Variants in NID2 observed in about 807,000 individuals in gnomAD.
The protein encoded by NID2 is nidogen 2.
Under a neutral mutation model 145.4 loss-of-function variants are expected in NID2, and 83 were observed. The ratio of observed to expected loss-of-function variants is 0.57; its 90% CI spans 0.48 to 0.69. The LOEUF is 0.69. Ranked by LOEUF, NID2 falls within the 30% of genes least tolerant of loss-of-function variation. The pLI, the probability that NID2 is intolerant of heterozygous loss-of-function variation, is 0.00. For synonymous variants in NID2, 739 were observed against 701.3 expected (o/e 1.05, Z -0.85); for missense variants, 1,807 against 1,765.7 (o/e 1.02, Z -0.42).
At chr14:52,029,501 GA>G (rs764999051) in intron 10 of NID2, 45 bp downstream of exon 10, 1 of 1,580,086 alleles carries the variant, frequency 6.3e-7, no homozygotes, top group Non-Finnish European at 8.7e-7. Context: ...GAGGGCAGAG[GA>G]AAAACAAGGG....
At chr14:52,020,312 T>C (rs1326117718) in intron 12 of NID2, 134 bp from the exon 13 acceptor site, 83 of 1,442,928 alleles carry the variant, frequency 5.8e-5, no homozygotes, top group Middle Eastern at 2.3e-4. Flanking sequence ...CCTTTGAGCA[T>C]GAGCAGAAAA....
chr14:52,065,474 CCTTT>C (rs1893163002), intron 2 of NID2, among the ~76,000 whole-genome samples: 1 of 113,436 alleles, frequency 8.8e-6, no homozygotes, highest in South Asian at 3.0e-4. Flanking sequence ...TTTTTTTTCC[CCTTT>C]CTTTTTTATT....
intron 12 of NID2, among the ~76,000 whole-genome samples, chr14:52,021,300 C>G (rs1394105709): frequency 6.6e-6 from 1 of 151,932 alleles, no homozygotes; most frequent in Non-Finnish European, 1.5e-5. Flanking sequence ...ACGGTGCAGC[C>G]CATGGTAGAG....
intron 7 of NID2, among the ~76,000 whole-genome samples, chr14:52,041,434 AC>A (rs1318680793): frequency 1.3e-5 from 2 of 152,232 alleles, no homozygotes; most frequent in African/African-American, 2.4e-5. Flanking sequence ...TTCTCACAAA[AC>A]TATTTTTAAT....
intron 12 of NID2, chr14:52,020,402 C>T (rs567955618): frequency 2.2e-5 from 12 of 538,010 alleles, no homozygotes; most frequent in East Asian, 8.4e-5. Context: ...CTAGACTAAA[C>T]GTGTTCAGTG....
intron 9 of NID2, among the ~76,000 whole-genome samples, chr14:52,035,993 G>A (rs1021963501): frequency 1.3e-5 from 2 of 150,540 alleles, no homozygotes; most frequent in Non-Finnish European, 3.0e-5. Context: ...ACAGGCATAA[G>A]CCAGTATGCC....
At chr14:52,026,834 A>C (rs368017723) in intron 12 of NID2, among the ~76,000 whole-genome samples, 19 of 152,248 alleles carry the variant, frequency 1.2e-4, no homozygotes, top group African/African-American at 4.1e-4. Flanking sequence ...TTAAAATATC[A>C]CTTAAAGCAG....
At chr14:52,066,425 T>C (rs989577017) in intron 2 of NID2, among the ~76,000 whole-genome samples, 4 of 152,074 alleles carry the variant, frequency 2.6e-5, no homozygotes, top group African/African-American at 9.7e-5. Context: ...AATAACTTAA[T>C]TGTACATTTT....
intron 20 of NID2, chr14:52,006,162 C>G (rs1397210907): frequency 2.5e-6 from 1 of 406,988 alleles, no homozygotes; most frequent in Admixed American, 3.6e-5. Context: ...GTCCCTCAGA[C>G]AATATGTCCA....
Position 52,015,116 on chromosome 14 carries a change from C to T in NID2, c.3188G>A (p.Cys1063Tyr). 6.2e-7 allele frequency: 1 copy of T among 1,614,158 alleles called. No individual in the cohort carries two copies. The highest frequency in any genetic ancestry group is 1.1e-5 in the South Asian group (1 of 91,084). The change falls in exon 15 of 22, where the codon TGT becomes TAT. Residue 1063 changes from cysteine (C) to tyrosine (Y), a missense_variant. Transcript: ENST00000216286. ...CACCTCTCTGCCATCTTTGTCCACA[C>T]ACCAGCAGAAGTCGCTCTTTCCGTG... ...QCHGKSDFCW[C>Y]VDKDGREVQG...
intron 12 of NID2, among the ~76,000 whole-genome samples, chr14:52,022,671 C>T (rs1045401325): frequency 1.3e-5 from 2 of 152,226 alleles, no homozygotes; most frequent in Admixed American, 6.5e-5. Context: ...CAATCCTACA[C>T]TCTATTAAGC....
chr14:52,060,642 A>G (rs951209399), intron 2 of NID2, among the ~76,000 whole-genome samples: 1 of 152,236 alleles, frequency 6.6e-6, no homozygotes, highest in Non-Finnish European at 1.5e-5. Flanking sequence ...GTTAAAAAAT[A>G]TATACTTTGT....
At chr14:52,018,234 A>T (rs1464598182) in intron 14 of NID2, among the ~76,000 whole-genome samples, 2 of 152,252 alleles carry the variant, frequency 1.3e-5, no homozygotes, top group Non-Finnish European at 2.9e-5. Flanking sequence ...GTAAAAATGG[A>T]TCTTTGGATA....
chr14:52,014,037 T>C lies in NID2; in HGVS notation c.3420+250A>G, dbSNP rs545448944. On this transcript the variant is annotated intron_variant, in intron 16 of 21. Coordinates refer to ENST00000216286, the MANE Select transcript of NID2 (RefSeq NM_007361.4). The stretch of plus-strand genomic sequence containing the variant: ...CTCCATGTGCTGACAACTCTAAAGT[T>C]CCCTTTCCATATTATCTGAAACTCC... 158 of 552,886 alleles carry C rather than the reference T, an allele frequency of 2.9e-4. 1 individual carries two copies. The highest frequency in any genetic ancestry group is 5.3e-4 in the South Asian group (27 of 50,862). 34.2% of individuals were successfully genotyped at this position (552,886 alleles called of 1,614,324 possible).
intron 5 of NID2, among the ~76,000 whole-genome samples, chr14:52,045,300 A>G (rs1892447748): frequency 6.6e-6 from 1 of 152,214 alleles, no homozygotes; most frequent in Admixed American, 6.5e-5. Flanking sequence ...ACAGTACTGG[A>G]GTGCTGCCTG....
At chr14:52,036,977 T>C (rs936794337) in intron 9 of NID2, among the ~76,000 whole-genome samples, 46 of 152,264 alleles carry the variant, frequency 3.0e-4, no homozygotes, top group African/African-American at 1.1e-3. Context: ...GCACAAACTG[T>C]TAAAATTTTG....
chr14:52,025,801 G>A (rs1452410949), intron 12 of NID2, among the ~76,000 whole-genome samples: 3 of 152,036 alleles, frequency 2.0e-5, no homozygotes, highest in African/African-American at 7.2e-5. Context: ...ACCTTTTAAA[G>A]GCCCTACCTC....
At chr14:52,067,333 G>A (rs1198404856) in intron 2 of NID2, among the ~76,000 whole-genome samples, 2 of 152,042 alleles carry the variant, frequency 1.3e-5, no homozygotes, top group Non-Finnish European at 2.9e-5. Flanking sequence ...TGTGAAAAAA[G>A]CAAGTTATAA....
chr14:52,037,332 T>C (rs570642005), intron 9 of NID2, among the ~76,000 whole-genome samples: 28 of 152,224 alleles, frequency 1.8e-4, no homozygotes, highest in Non-Finnish European at 3.8e-4. Flanking sequence ...TTAGGGTACA[T>C]GTTTACAACG....
Sources: allele counts gnomAD v4.1 joint callset (sites outside exome capture counted in the v4.1 genomes callset), GRCh38; gene constraint gnomAD v4.1.1; transcripts MANE v1.5; gene names NCBI Gene and HGNC (gene_info 2026-07-23, HGNC 2026-07-21).